The following CHODL variants were observed in gnomAD, a reference collection of about 807,000 sequenced individuals.
CHODL encodes chondrolectin.
Under a neutral mutation model 34.5 loss-of-function variants are expected in CHODL, and 29 were observed. The ratio of observed to expected loss-of-function variants is 0.84; its 90% CI spans 0.63 to 1.15. The LOEUF is 1.15. Ranked by LOEUF, CHODL falls within the 50% of genes most tolerant of loss-of-function variation. The probability of loss-of-function intolerance (pLI) is 0.00; values close to 1 mark genes in which losing one functional copy is unlikely to be tolerated. For missense variants in CHODL, 332 were observed against 332.5 expected (o/e 1.00, Z 0.01); for synonymous variants, 125 against 116.1 (o/e 1.08, Z -0.49).
intron 1 of CHODL, among the ~76,000 whole-genome samples, chr21:18,001,145 GACTTGAGGCCAGAGACCACAGA>G (rs1418187865): frequency 6.6e-6 from 1 of 152,232 alleles, no homozygotes; most frequent in Non-Finnish European, 1.5e-5. Context: ...GGAACCACAG[GACTTGAGGCCAGAGACCACAGA>G]ACAACTGCAG....
intron 2 of CHODL, among the ~76,000 whole-genome samples, chr21:18,056,841 C>T (rs1394583239): frequency 6.6e-6 from 1 of 151,842 alleles, no homozygotes; most frequent in African/African-American, 2.4e-5. Flanking sequence ...GTTTTCTTTT[C>T]TCCTCCCCAT....
At chr21:18,260,370 G>T (rs1263444444) in intron 4 of CHODL, 84 bp downstream of exon 4, 3 of 842,858 alleles carry the variant, frequency 3.6e-6, no homozygotes, top group Admixed American at 2.6e-5. Context: ...AGTGAAACTT[G>T]TCTTGCCTGG....
At position 17,960,812 on chromosome 21, in the gene CHODL, A is replaced by G. The variant is rs116419603; in HGVS notation, c.-145+43412A>G. On this transcript the variant is annotated intron_variant, in intron 1 of 6. Transcript: ENST00000400127. ...GATCAACATTCCTCCTCAATTCCCT[A>G]TTCAGTCCCCCAAACCTGAAAGCTT... Among the ~76,000 whole-genome samples the G allele has an allele frequency of 8.9e-3, 1,354 of 152,184 alleles. 17 individuals are homozygous for G. The highest frequency in any genetic ancestry group is 0.03 in the African/African-American group (1,234 of 41,516).
intron 2 of CHODL, among the ~76,000 whole-genome samples, chr21:18,096,851 TAAAA>T (rs761249953): frequency 2.0e-5 from 3 of 152,088 alleles, no homozygotes; most frequent in Non-Finnish European, 4.4e-5. Context: ...AAATCCCTAA[TAAAA>T]ACTCACTGGT....
At chr21:18,046,825 T>A (rs139189441) in intron 2 of CHODL, among the ~76,000 whole-genome samples, 2,048 of 152,074 alleles carry the variant, frequency 0.013, 38 homozygotes, top group African/African-American at 0.046. Flanking sequence ...TATCACTCCA[T>A]CAATTTATCA....
chr21:18,003,558 G>A (rs907250518), intron 1 of CHODL, among the ~76,000 whole-genome samples: 1 of 152,050 alleles, frequency 6.6e-6, no homozygotes, highest in African/African-American at 2.4e-5. Context: ...TTGAAGGGAT[G>A]TTAATTATTC....
At chr21:18,133,254 C>T (rs73200976) in intron 2 of CHODL, among the ~76,000 whole-genome samples, 7,428 of 152,050 alleles carry the variant, frequency 0.049, 192 homozygotes, top group Middle Eastern at 0.068. Flanking sequence ...GCCAATTGTT[C>T]GATGTTCATT....
chr21:18,217,885 C>T (rs1166293289), intron 2 of CHODL, among the ~76,000 whole-genome samples: 1 of 152,174 alleles, frequency 6.6e-6, no homozygotes, highest in African/African-American at 2.4e-5. Context: ...TTCAGTGGGG[C>T]AGTCACATCA....
intron 2 of CHODL, among the ~76,000 whole-genome samples, chr21:18,187,672 CCTTT>C (rs1435136591): frequency 1.3e-5 from 2 of 152,062 alleles, no homozygotes; most frequent in Non-Finnish European, 2.9e-5. Flanking sequence ...CTATACTCCA[CCTTT>C]CTTTCTATTA....
At chr21:18,134,994 C>T (rs546879192) in intron 2 of CHODL, among the ~76,000 whole-genome samples, 2 of 152,316 alleles carry the variant, frequency 1.3e-5, no homozygotes, top group South Asian at 2.1e-4. Flanking sequence ...TGATCTTGCT[C>T]ATTGGGAATA....
At chr21:18,121,760 C>T (rs1239820883) in intron 2 of CHODL, among the ~76,000 whole-genome samples, 1 of 152,094 alleles carries the variant, frequency 6.6e-6, no homozygotes, top group African/African-American at 2.4e-5. Flanking sequence ...CTGTTTTTAA[C>T]TCTCTAACCA....
chr21:18,200,225 G>T (rs1437025991), intron 2 of CHODL, among the ~76,000 whole-genome samples: 1 of 152,084 alleles, frequency 6.6e-6, no homozygotes, highest in East Asian at 1.9e-4. Flanking sequence ...CATGAAGGCA[G>T]TGAAATCTAT....
At chr21:18,143,974 T>C (rs1266849446) in intron 2 of CHODL, among the ~76,000 whole-genome samples, 2 of 152,114 alleles carry the variant, frequency 1.3e-5, no homozygotes, top group East Asian at 3.8e-4. Flanking sequence ...CAAGTGATTA[T>C]ATTGAGACAG....
At chr21:18,190,038 A>G (rs2073492785) in intron 2 of CHODL, among the ~76,000 whole-genome samples, 1 of 152,230 alleles carries the variant, frequency 6.6e-6, no homozygotes, top group South Asian at 2.1e-4. Context: ...CACTGTTGTC[A>G]AAAACATTGC....
At chr21:17,953,791 C>G (rs959566243) in intron 1 of CHODL, among the ~76,000 whole-genome samples, 3 of 152,160 alleles carry the variant, frequency 2.0e-5, no homozygotes, top group African/African-American at 7.2e-5. Context: ...GTGAAAGGAT[C>G]ATGAGGTCAG....
At chr21:18,066,327 T>A (rs985945000) in intron 2 of CHODL, among the ~76,000 whole-genome samples, 7 of 152,204 alleles carry the variant, frequency 4.6e-5, no homozygotes, top group African/African-American at 1.7e-4. Flanking sequence ...TTCTCCTAAT[T>A]ACATAGTTTT....
intron 2 of CHODL, among the ~76,000 whole-genome samples, chr21:18,145,220 A>C (rs1001582211): frequency 1.4e-5 from 2 of 147,566 alleles, no homozygotes; most frequent in Admixed American, 6.8e-5. Flanking sequence ...GCGGATCATG[A>C]GGTCAGGAGA....
At chr21:18,200,228 A>G (rs960676506) in intron 2 of CHODL, among the ~76,000 whole-genome samples, 1 of 152,170 alleles carries the variant, frequency 6.6e-6, no homozygotes, top group African/African-American at 2.4e-5. Context: ...GAAGGCAGTG[A>G]AATCTATTGA....
At position 18,093,174 on chromosome 21, in the gene CHODL, G is replaced by A. The variant is rs560381326; in HGVS notation, c.-45+65203G>A. Among the ~76,000 whole-genome samples the A allele has an allele frequency of 4.1e-4, 63 of 152,216 alleles. 1 individual carries two copies. In the South Asian group the frequency reaches 0.012, roughly 29 times the overall value. ...TAGAAACCTTACAGGCCAGGAGAGA[G>A]TGGCATGACATATTTAAAGTTATGA... On this transcript the variant is annotated intron_variant, in intron 2 of 6. Coordinates refer to the CHODL transcript ENST00000400127.
Sources: allele counts gnomAD v4.1 joint callset (sites outside exome capture counted in the v4.1 genomes callset), GRCh38; gene constraint gnomAD v4.1.1; transcripts MANE v1.5; gene names NCBI Gene and HGNC (gene_info 2026-07-23, HGNC 2026-07-21).